The following FER1L6 variants were observed in gnomAD, a reference collection of about 807,000 sequenced individuals.
FER1L6 encodes fer-1-like protein 6.
FER1L6 carries 177 observed loss-of-function variants against 219.2 expected under a neutral mutation model. The observed-to-expected ratio is 0.81, with a 90% CI of 0.71 to 0.91. The LOEUF is 0.91. Among genes scored for constraint, FER1L6 ranks in the 40% least tolerant of loss-of-function variants. The pLI is 0.00. For synonymous variants in FER1L6, 768 were observed against 824.3 expected, an observed-to-expected ratio of 0.93 and a Z score of 1.17; for missense variants, 2,153 against 2,259.9, an observed-to-expected ratio of 0.95 and a Z score of 0.96.
intron 1 of FER1L6, among the ~76,000 whole-genome samples, chr8:123,943,440 C>T (rs985761375): frequency 5.3e-5 from 8 of 152,124 alleles, no homozygotes; most frequent in South Asian, 2.1e-4. Flanking sequence ...GCAGCCAACC[C>T]GAACAGAGGG....
chr8:124,071,217 G>A (rs912563913), intron 30 of FER1L6, among the ~76,000 whole-genome samples: 3 of 152,128 alleles, frequency 2.0e-5, no homozygotes, highest in African/African-American at 2.4e-5. Context: ...CACTAGCACC[G>A]CACCCCACAT....
At chr8:124,069,061 C>A (rs555534691) in intron 28 of FER1L6, among the ~76,000 whole-genome samples, 36 of 152,068 alleles carry the variant, frequency 2.4e-4, no homozygotes, top group Middle Eastern at 3.4e-3. Flanking sequence ...CTCAGCCTCC[C>A]GAGTAGCTGG....
chr8:124,003,390 T>A, intron 13 of FER1L6, 43 bp downstream of exon 13: 1 of 1,474,100 alleles, frequency 6.8e-7, no homozygotes, highest in Non-Finnish European at 9.2e-7. Context: ...ATTTTGCTGG[T>A]GGAATTTTGT....
chr8:123,979,938 G>A (rs2130328704), intron 10 of FER1L6, among the ~76,000 whole-genome samples: 1 of 152,240 alleles, frequency 6.6e-6, no homozygotes, highest in Middle Eastern at 3.4e-3. Flanking sequence ...TCTAGCTCCA[G>A]GCTCCTTTCT....
At chr8:123,868,626 T>C (rs147210465) in intron 1 of FER1L6, among the ~76,000 whole-genome samples, 111 of 152,330 alleles carry the variant, frequency 7.3e-4, no homozygotes, top group African/African-American at 2.6e-3. Flanking sequence ...CACTGCTTCC[T>C]TCTCCAAGCA....
chr8:124,027,079 T>A (rs934898855), intron 18 of FER1L6, among the ~76,000 whole-genome samples: 13 of 152,166 alleles, frequency 8.5e-5, no homozygotes, highest in African/African-American at 3.1e-4. Context: ...CTTCATATGA[T>A]ATTATTTTTG....
rs1258573308 is a variant in FER1L6, at chr8:123,963,282, T to C, written c.81T>C (p.Ser27=). Residue 27 remains serine, a synonymous_variant, in exon 3 of 41, where the codon AGT becomes AGC. Transcript: ENST00000522917. ...TTCCTTTGTTTGCTTCTCCAGATAGTCAAGGTGACACTGAAGCACTGCAGG... is the reference window on the plus strand; with the variant it reads ...TTCCTTTGTTTGCTTCTCCAGATAGCCAAGGTGACACTGAAGCACTGCAGG... ...LILANKAAKD[S]QGDTEALQEE... The C allele has an allele frequency of 6.2e-7, 1 of 1,613,968 alleles. No homozygotes were observed. The highest frequency in any genetic ancestry group is 1.7e-5 in the Admixed American group (1 of 60,016).
rs1818260770 is a variant in FER1L6, at chr8:124,017,691, G to C, written c.1986G>C (p.Lys662Asn). 6.2e-7 allele frequency: 1 copy of C among 1,613,780 alleles called. No individual in the cohort carries two copies. The highest frequency in any genetic ancestry group is 1.3e-5 in the African/African-American group (1 of 75,028). The change falls in exon 16 of 41, where the codon AAG (lysine) becomes AAC (asparagine). Residue 662 changes from lysine (K) to asparagine (N), a missense_variant. Physicochemically the swap from Lys to Asn is moderately conservative, Grantham distance 94. Transcript: ENST00000522917. Reference sequence around the variant, plus strand: ...TGAACCAAACCACTTTAGATAAGAAGCGACTTACGCTCTGCTGGCAGGAGC... The same window carrying C: ...TGAACCAAACCACTTTAGATAAGAACCGACTTACGCTCTGCTGGCAGGAGC... ...KMLNQTTLDK[K>N]RLTLCWQELE...
intron 12 of FER1L6, among the ~76,000 whole-genome samples, chr8:123,990,537 T>C (rs1816809029): frequency 6.6e-6 from 1 of 152,206 alleles, no homozygotes; most frequent in Non-Finnish European, 1.5e-5. Context: ...TTTTGAGAAA[T>C]GTCTATTTAT....
chr8:124,046,131 T>C (rs569234901), intron 21 of FER1L6: 3 of 460,256 alleles, frequency 6.5e-6, no homozygotes, highest in Non-Finnish European at 1.2e-5. Context: ...TAAATGGCAA[T>C]TAAAATTGGA....
intron 1 of FER1L6, among the ~76,000 whole-genome samples, chr8:123,918,276 T>G (rs1186622820): frequency 6.7e-6 from 1 of 149,142 alleles, no homozygotes; most frequent in Non-Finnish European, 1.5e-5. Context: ...GCCACTGCAC[T>G]CCAGCCTGGG....
Position 124,118,959 on chromosome 8 carries a change from TA to T in FER1L6, c.5390+16del, listed in dbSNP as rs1340121990. 46 of 1,603,022 alleles carry T rather than the reference TA, an allele frequency of 2.9e-5. No homozygotes were observed. Among genetic ancestry groups the T allele is most frequent in the Non-Finnish European group, 3.9e-5 (46 of 1,170,432 alleles). The stretch of plus-strand genomic sequence containing the variant: ...GCCAAGCCCAAGTGAGTGGAGTTGC[TA>T]GTGGGAACATCAGAAATGGGAAGGG... On this transcript the variant is annotated intron_variant, in intron 40 of 40. Transcript: ENST00000522917.
intron 10 of FER1L6, among the ~76,000 whole-genome samples, chr8:123,979,310 T>C (rs190432687): frequency 3.4e-4 from 52 of 152,348 alleles, no homozygotes; most frequent in Admixed American, 1.3e-3. Flanking sequence ...TGCCATCTAC[T>C]GAGCGGAAAT....
At chr8:124,007,657 C>A (rs936480762) in intron 13 of FER1L6, among the ~76,000 whole-genome samples, 33 of 152,238 alleles carry the variant, frequency 2.2e-4, no homozygotes, top group Non-Finnish European at 3.8e-4. Flanking sequence ...TCTGGCTCCA[C>A]AGCTTCCCCT....
rs774686828 is a variant in FER1L6, at chr8:123,963,444, C to T, written c.197+46C>T. Reference sequence around the variant, plus strand: ...GTCAACACACATTTGCTGAGCATCTCTTATGTGCCAAGCACCTCTACAGGT... The same window carrying T: ...GTCAACACACATTTGCTGAGCATCTTTTATGTGCCAAGCACCTCTACAGGT... On this transcript the variant is annotated intron_variant, in intron 3 of 40. Coordinates refer to ENST00000522917, the MANE Select transcript of FER1L6 (RefSeq NM_001039112.2). The T allele has an allele frequency of 3.7e-6, 6 of 1,606,076 alleles. No homozygotes were observed. The South Asian group carries it at 6.6e-5, about 18-fold the overall frequency.
At chr8:124,049,915 C>G (rs1227792222) in intron 22 of FER1L6, among the ~76,000 whole-genome samples, 159 bp downstream of exon 22, 1 of 152,216 alleles carries the variant, frequency 6.6e-6, no homozygotes, top group African/African-American at 2.4e-5. Context: ...CTTAAGAACT[C>G]AGGTGACTTG....
chr8:123,908,578 T>C (rs1013821226), intron 1 of FER1L6, among the ~76,000 whole-genome samples: 6 of 152,258 alleles, frequency 3.9e-5, no homozygotes, highest in African/African-American at 1.4e-4. Context: ...TAACTGTTGA[T>C]TGAATTAAAT....
At chr8:124,099,091 T>G (rs1197797435) in intron 37 of FER1L6, among the ~76,000 whole-genome samples, 1 of 152,194 alleles carries the variant, frequency 6.6e-6, no homozygotes, top group Non-Finnish European at 1.5e-5. Context: ...CCGTGTCCTT[T>G]GAAAGCTCAT....
Position 123,901,374 on chromosome 8 carries a change from T to C in FER1L6, c.-8+49189T>C, listed in dbSNP as rs546768679. Among the ~76,000 whole-genome samples, 6 of 152,332 alleles carry C rather than the reference T, an allele frequency of 3.9e-5. No homozygotes were observed. In the East Asian group the frequency reaches 1.2e-3, roughly 29 times the overall value. On this transcript the variant is annotated intron_variant, in intron 1 of 40. Coordinates refer to ENST00000522917, the MANE Select transcript of FER1L6 (RefSeq NM_001039112.2). ...TATCTTCTGTTTCGTTTCTTAGCGA[T>C]GTTATTTGGATTTTCTGATTTTCTT...
Sources: gnomAD v4.1 joint callset for allele counts (sites outside exome capture counted in the v4.1 genomes callset) on GRCh38, gnomAD v4.1.1 for gene constraint, MANE v1.5 for transcripts, NCBI Gene and HGNC (gene_info 2026-07-23, HGNC 2026-07-21) for gene names.